The following C1GALT1 variants were observed in gnomAD, a reference collection of about 807,000 sequenced individuals.
The protein encoded by C1GALT1 is core 1 synthase, glycoprotein-N-acetylgalactosamine 3-beta-galactosyltransferase 1.
In C1GALT1, 11 loss-of-function variants were observed where a neutral mutation model predicts 31.0. That is an observed-to-expected ratio of 0.36 (90% CI 0.22 to 0.59). C1GALT1 has a LOEUF of 0.59. Among genes scored for constraint, C1GALT1 ranks in the 20% least tolerant of loss-of-function variants. The probability of loss-of-function intolerance (pLI) is 0.79; values close to 1 mark genes in which losing one functional copy is unlikely to be tolerated. For missense variants in C1GALT1, 424 were observed against 425.2 expected, an observed-to-expected ratio of 1.00 and a Z score of 0.03; for synonymous variants, 175 against 143.6, an observed-to-expected ratio of 1.22 and a Z score of -1.56.
chr7:7,203,389 T>C (rs1302581919), intron 1 of C1GALT1, among the ~76,000 whole-genome samples: 1 of 152,128 alleles, frequency 6.6e-6, no homozygotes, highest in Admixed American at 6.5e-5. Flanking sequence ...CGTGAGTGTT[T>C]ATATCATGAA....
chr7:7,171,404 C>G (rs890478228), intron 2 of C1GALT1, among the ~76,000 whole-genome samples: 3 of 151,836 alleles, frequency 2.0e-5, no homozygotes, highest in African/African-American at 7.3e-5. Context: ...AGTTTTTTGC[C>G]TAATATTAGT....
chr7:7,209,478 T>C (rs559221358), intron 1 of C1GALT1: 8 of 152,222 alleles, frequency 5.3e-5, no homozygotes, highest in Non-Finnish European at 8.8e-5. Context: ...CCTGCACCCT[T>C]GTCTTAAATG....
At chr7:7,236,745 C>T (rs144226783) in intron 2 of C1GALT1, among the ~76,000 whole-genome samples, 1,879 of 151,960 alleles carry the variant, frequency 0.012, 44 homozygotes, top group African/African-American at 0.043. Context: ...AGGCTGGTCT[C>T]GAACTCCTGA....
At chr7:7,191,853 A>G (rs62449963) in intron 1 of C1GALT1, among the ~76,000 whole-genome samples, 3 of 152,092 alleles carry the variant, frequency 2.0e-5, no homozygotes, top group Non-Finnish European at 4.4e-5. Flanking sequence ...GGAATTTTCT[A>G]TATATTTTGG....
chr7:7,240,436 T>A (rs1357066147), intron 3 of C1GALT1, among the ~76,000 whole-genome samples: 4 of 152,130 alleles, frequency 2.6e-5, no homozygotes, highest in Admixed American at 6.5e-5. Flanking sequence ...GAGTACTACT[T>A]TGGATGCTTT....
intron 1 of C1GALT1, among the ~76,000 whole-genome samples, chr7:7,204,934 T>C (rs561812714): frequency 1.3e-5 from 2 of 152,330 alleles, no homozygotes; most frequent in Non-Finnish European, 2.9e-5. Flanking sequence ...ATTAACACTT[T>C]ATTTGTGGCC....
chr7:7,201,241 C>T (rs983266453), intron 1 of C1GALT1, among the ~76,000 whole-genome samples: 5 of 152,206 alleles, frequency 3.3e-5, no homozygotes, highest in African/African-American at 1.2e-4. Context: ...CCCTCAGCCG[C>T]AGGTCTGTTG....
intron 2 of C1GALT1, among the ~76,000 whole-genome samples, chr7:7,164,782 T>C (rs1780374669): frequency 6.6e-6 from 1 of 152,164 alleles, no homozygotes; most frequent in Non-Finnish European, 1.5e-5. Context: ...TGTTTGCACC[T>C]GAGGCAGTTC....
chr7:7,162,808 C>T (rs112897294), intron 2 of C1GALT1, among the ~76,000 whole-genome samples: 53,356 of 151,860 alleles, frequency 0.35, 10,436 homozygotes, highest in East Asian at 0.56. Flanking sequence ...GATTGCCATT[C>T]TAACTGGTGT....
Position 7,246,897 on chromosome 7 carries a change from AGGATCATT to A in C1GALT1, c.*3179_*3186del, listed in dbSNP as rs1279405126. 1 of 152,218 alleles carries A rather than the reference AGGATCATT, an allele frequency of 6.6e-6. No individual in the cohort carries two copies. The allele number at this position is 152,218 out of a possible 1,614,324, so 9.4% of individuals were successfully genotyped here. ...TATATTAAATATAAAGATAACTTAA[AGGATCATT>A]GGATCATTCATTTTGGCCAAATTTT... On this transcript the variant is annotated 3_prime_UTR_variant, in exon 4 of 4. Coordinates refer to ENST00000436587, the MANE Select transcript of C1GALT1 (RefSeq NM_020156.5).
intron 2 of C1GALT1, among the ~76,000 whole-genome samples, chr7:7,162,094 C>T (rs150852640): frequency 0.022 from 3,260 of 145,492 alleles, 113 homozygotes; most frequent in African/African-American, 0.078. Flanking sequence ...TTTTTATTAG[C>T]TATTTTTCTT....
intron 2 of C1GALT1, among the ~76,000 whole-genome samples, chr7:7,165,593 C>G (rs1384443639): frequency 1.3e-5 from 2 of 152,012 alleles, no homozygotes; most frequent in Non-Finnish European, 2.9e-5. Context: ...GCTTTCAAGA[C>G]AGGAAGAAAG....
chr7:7,222,561 T>G (rs1182566941), intron 1 of C1GALT1, among the ~76,000 whole-genome samples: 2 of 152,238 alleles, frequency 1.3e-5, no homozygotes, highest in African/African-American at 2.4e-5. Context: ...TCTGTGAACA[T>G]GAATACTATT....
At chr7:7,158,751 G>C (rs187581202) in intron 2 of C1GALT1, among the ~76,000 whole-genome samples, 2 of 151,868 alleles carry the variant, frequency 1.3e-5, no homozygotes, top group Admixed American at 1.3e-4. Flanking sequence ...TGTAATAGGT[G>C]GTCAAATAAG....
chr7:7,178,949 G>C (rs1238142557), upstream of C1GALT1, among the ~76,000 whole-genome samples: 1 of 152,186 alleles, frequency 6.6e-6, no homozygotes, highest in Non-Finnish European at 1.5e-5. Context: ...TTCTGTCTCA[G>C]GGTCTCTTTC....
At chr7:7,157,804 T>C (rs1780289643) in intron 2 of C1GALT1, among the ~76,000 whole-genome samples, 1 of 152,198 alleles carries the variant, frequency 6.6e-6, no homozygotes, top group Non-Finnish European at 1.5e-5. Context: ...AGTAAGGGTA[T>C]GTACATGTAC....
intron 1 of C1GALT1, among the ~76,000 whole-genome samples, chr7:7,192,020 G>A (rs1781096609): frequency 6.6e-6 from 1 of 151,902 alleles, no homozygotes; most frequent in African/African-American, 2.4e-5. Flanking sequence ...TGCCTTTGTT[G>A]TCACATCCAA....
intron 1 of C1GALT1, among the ~76,000 whole-genome samples, chr7:7,203,994 A>G (rs970558885): frequency 4.0e-5 from 6 of 150,982 alleles, no homozygotes; most frequent in Non-Finnish European, 8.8e-5. Flanking sequence ...GGTTTCTACT[A>G]TCCTTTGTTG....
chr7:7,179,375 CAT>C (rs57120355), upstream of C1GALT1, among the ~76,000 whole-genome samples: 3,020 of 152,186 alleles, frequency 0.02, 92 homozygotes, highest in African/African-American at 0.068. Context: ...TTAATACTAC[CAT>C]ATGAGTTAAT....
Sources: gnomAD v4.1 joint callset for allele counts (sites outside exome capture counted in the v4.1 genomes callset) on GRCh38, gnomAD v4.1.1 for gene constraint, MANE v1.5 for transcripts, NCBI Gene and HGNC (gene_info 2026-07-23, HGNC 2026-07-21) for gene names.